DIP2C: variants seen among roughly 807,000 people sequenced by gnomAD.
DIP2C encodes disco-interacting protein 2 homolog C.
Under a neutral mutation model 192.4 loss-of-function variants are expected in DIP2C, and 33 were observed. That is an observed-to-expected ratio of 0.17 (90% CI 0.13 to 0.23). The LOEUF (loss-of-function observed/expected upper bound fraction) is 0.23. Among genes scored for constraint, DIP2C ranks in the 10% least tolerant of loss-of-function variants. The pLI, the probability that DIP2C is intolerant of heterozygous loss-of-function variation, is 1.00. For missense variants in DIP2C, 1,537 were observed against 2,110.1 expected (o/e 0.73, Z 5.32); for synonymous variants, 979 against 864.1 (o/e 1.13, Z -2.33).
intron 1 of DIP2C, among the ~76,000 whole-genome samples, chr10:562,136 G>A (rs1231957422): frequency 6.6e-6 from 1 of 152,196 alleles, no homozygotes; most frequent in African/African-American, 2.4e-5. Context: ...CCTTCTCAAG[G>A]TTCTCCACAA....
At position 344,863 on chromosome 10, in the gene DIP2C, A is replaced by T. The variant is rs754244564; in HGVS notation, c.3399T>A (p.Thr1133=). 1 of 1,607,050 alleles carries T rather than the reference A, an allele frequency of 6.2e-7. No homozygotes were observed. The part of the protein sequence containing the change: ...AQICKPCNPD[T]LAYLDFSVST... ...ACACGCTGAAGTCGAGATATGCAAG[A>T]GTGTCTGGGTTGCAAGGTTTGCAGA... Residue 1133 remains threonine (T), a synonymous_variant, in exon 28 of 37, where the codon ACT becomes ACA. Coordinates refer to ENST00000280886, the MANE Select transcript of DIP2C (RefSeq NM_014974.3).
At chr10:455,298 C>G (rs1307463439) in intron 3 of DIP2C, among the ~76,000 whole-genome samples, 3 of 144,886 alleles carry the variant, frequency 2.1e-5, no homozygotes, top group Admixed American at 1.4e-4. Context: ...GATGAAAACA[C>G]TCTGCAGTGA....
At chr10:590,932 A>G (rs1851365128) in intron 1 of DIP2C, among the ~76,000 whole-genome samples, 1 of 148,772 alleles carries the variant, frequency 6.7e-6, no homozygotes, top group Non-Finnish European at 1.5e-5. Flanking sequence ...TCGGTCTCCG[A>G]GCCTCCAGTC....
intron 22 of DIP2C, among the ~76,000 whole-genome samples, chr10:359,327 T>G (rs1461076859): frequency 6.6e-6 from 1 of 152,134 alleles, no homozygotes; most frequent in African/African-American, 2.4e-5. Flanking sequence ...ACGATTCCAC[T>G]TATCACAGCT....
intron 34 of DIP2C, among the ~76,000 whole-genome samples, chr10:285,016 C>T (rs922024305): frequency 2.6e-5 from 4 of 152,014 alleles, no homozygotes; most frequent in Non-Finnish European, 5.9e-5. Context: ...CTCCAGGTGC[C>T]GGAGAAGCAG....
intron 13 of DIP2C, among the ~76,000 whole-genome samples, chr10:388,201 G>C (rs1018115743): frequency 6.6e-6 from 1 of 152,272 alleles, no homozygotes; most frequent in East Asian, 1.9e-4. Context: ...GTGGATTTTT[G>C]GCAACACAGG....
intron 1 of DIP2C, among the ~76,000 whole-genome samples, chr10:571,775 A>C (rs1462454317): frequency 6.6e-6 from 1 of 152,174 alleles, no homozygotes; most frequent in Non-Finnish European, 1.5e-5. Context: ...GGCTGTGACC[A>C]GGGGTAGCAA....
chr10:537,577 C>T (rs1028821549), intron 1 of DIP2C, among the ~76,000 whole-genome samples: 1 of 151,980 alleles, frequency 6.6e-6, no homozygotes. Flanking sequence ...CCCCCTCCCC[C>T]GCACACTTGT....
intron 8 of DIP2C, among the ~76,000 whole-genome samples, chr10:411,511 C>T (rs983913562): frequency 2.0e-5 from 3 of 152,146 alleles, no homozygotes; most frequent in African/African-American, 7.2e-5. Flanking sequence ...CCCAGCGCTT[C>T]GTAGGAAGCT....
intron 1 of DIP2C, among the ~76,000 whole-genome samples, chr10:639,614 T>C (rs993559983): frequency 7.2e-5 from 11 of 152,362 alleles, no homozygotes; most frequent in South Asian, 4.1e-4. Context: ...TCCAAGGTCA[T>C]TAAACGCATG....
At chr10:318,147 G>A (rs966307011) in intron 31 of DIP2C, among the ~76,000 whole-genome samples, 2 of 152,160 alleles carry the variant, frequency 1.3e-5, no homozygotes, top group Non-Finnish European at 1.5e-5. Flanking sequence ...GATGGCGAAA[G>A]GGAGGGGTGG....
At chr10:426,931 G>C (rs1589770394) in intron 4 of DIP2C, among the ~76,000 whole-genome samples, 1 of 151,486 alleles carries the variant, frequency 6.6e-6, no homozygotes, top group East Asian at 1.9e-4. Flanking sequence ...CTAAATGAAA[G>C]AACAGTAAGA....
intron 3 of DIP2C, among the ~76,000 whole-genome samples, chr10:446,487 G>C (rs1968230939): frequency 6.6e-6 from 1 of 151,788 alleles, no homozygotes; most frequent in African/African-American, 2.4e-5. Flanking sequence ...GTTGCTTCTA[G>C]ATTTCCTAAA....
chr10:577,716 T>G (rs1850256873), intron 1 of DIP2C, among the ~76,000 whole-genome samples: 1 of 152,172 alleles, frequency 6.6e-6, no homozygotes, highest in African/African-American at 2.4e-5. Context: ...TAACTAGTAA[T>G]GATGAAGACT....
chr10:612,262 A>G lies in DIP2C; in HGVS notation c.85+77232T>C, dbSNP rs527818587. Among the ~76,000 whole-genome samples the G allele has an allele frequency of 2.2e-4, 33 of 152,050 alleles. No homozygotes were observed. In the South Asian group the frequency reaches 6.5e-3, roughly 30 times the overall value. On this transcript the variant is annotated intron_variant, in intron 1 of 36. Coordinates refer to ENST00000280886, the MANE Select transcript of DIP2C (RefSeq NM_014974.3). ...AGCCAAGGTCACACCACTGCGCTCC[A>G]GCCTGGGCAACACAGCAAGACTCCG... is the stretch of plus-strand genomic sequence containing the variant.
In DIP2C at chr10:389,987, C is replaced by T. The variant is rs1246775678; in HGVS notation, c.1597+4G>A. ...TCCCAAGGAGTCAGGGTCTGGCACC[C>T]CACCTTCCGTGTAGCCACACGCCTG... On this transcript the variant is annotated splice_donor_region_variant and intron_variant, in intron 13 of 36. Transcript: ENST00000280886. 6.2e-7 allele frequency: 1 copy of T among 1,610,980 alleles called. No individual in the cohort carries two copies. Among genetic ancestry groups the T allele is most frequent in the Non-Finnish European group, 8.5e-7 (1 of 1,178,416 alleles).
intron 10 of DIP2C, among the ~76,000 whole-genome samples, chr10:393,955 A>C (rs1319247832): frequency 6.6e-6 from 1 of 152,168 alleles, no homozygotes; most frequent in African/African-American, 2.4e-5. Context: ...CTTGCACGCT[A>C]TTGGTGGGAA....
At chr10:422,780 C>A in intron 5 of DIP2C, 44 bp downstream of exon 5, 1 of 1,578,414 alleles carries the variant, frequency 6.3e-7, no homozygotes. Context: ...CACACAAAGG[C>A]GTTTACACAA....
chr10:662,091 C>A (rs1365002735), intron 1 of DIP2C: 1 of 717,456 alleles, frequency 1.4e-6, no homozygotes, highest in South Asian at 1.5e-5. Context: ...CTCTCCGAAG[C>A]CCTCAGTGGC....
Sources: gnomAD v4.1 joint callset for allele counts (sites outside exome capture counted in the v4.1 genomes callset) on GRCh38, gnomAD v4.1.1 for gene constraint, MANE v1.5 for transcripts, NCBI Gene and HGNC (gene_info 2026-07-23, HGNC 2026-07-21) for gene names.